The following LIFR variants were observed in gnomAD, a reference collection of about 807,000 sequenced individuals.
The protein encoded by LIFR is leukemia inhibitory factor receptor.
Under a neutral mutation model 122.2 loss-of-function variants are expected in LIFR, and 84 were observed. The observed-to-expected ratio is 0.69, with a 90% CI of 0.58 to 0.82. LIFR has a LOEUF of 0.82. Among genes scored for constraint, LIFR ranks in the 40% least tolerant of loss-of-function variants. LIFR has a pLI of 0.00. For missense variants in LIFR, 1,294 were observed against 1,311.6 expected (o/e 0.99, Z 0.21); for synonymous variants, 422 against 434.7 (o/e 0.97, Z 0.36).
rs3099123 is a variant in LIFR at position 38,501,184 on chromosome 5, A to T, written c.1600+1453T>A. 4.5e-3 allele frequency among the ~76,000 whole-genome samples: 688 copies of T among 152,288 alleles called. 3 individuals carry two copies. The highest frequency in any genetic ancestry group is 7.3e-3 in the Non-Finnish European group (496 of 68,024). ...AACATCTGCTGTGTTAAGCCACTGA[A>T]TTTTAGGGTAATTTGTTGCACAGCA... On this transcript the variant is annotated intron_variant, in intron 11 of 19. Coordinates refer to ENST00000453190, the MANE Select transcript of LIFR (RefSeq NM_001127671.2).
chr5:38,531,577 A>G (rs1050353739), intron 1 of LIFR, among the ~76,000 whole-genome samples: 17 of 138,068 alleles, frequency 1.2e-4, no homozygotes, highest in African/African-American at 4.3e-4. Flanking sequence ...TGAAAAAGGA[A>G]TAACAGGAAA....
intron 1 of LIFR, among the ~76,000 whole-genome samples, chr5:38,542,968 T>C (rs1225698120): frequency 2.0e-5 from 3 of 152,010 alleles, no homozygotes; most frequent in African/African-American, 7.2e-5. Flanking sequence ...ACAATGAAGA[T>C]TTTTTCCCTG....
chr5:38,523,499 C>T lies in LIFR; in HGVS notation c.481G>A (p.Gly161Ser). The change falls in exon 5 of 20, where the codon GGT becomes AGT. Residue 161 changes from glycine to serine, a missense_variant. Physicochemically the swap from Gly to Ser is moderately conservative, Grantham distance 56. Transcript: ENST00000453190. ...STLYLKWNDR[G>S]SVFPHRSNVI... ...TTTGAGCGGTGTGGAAAAACTGAAC[C>T]CCTGTCGTTCCACTTTAGGTATAAT... is the stretch of plus-strand genomic sequence containing the variant. 2 of 1,612,916 alleles carry T rather than the reference C, an allele frequency of 1.2e-6. No homozygotes were observed. The highest frequency in any genetic ancestry group is 1.7e-6 in the Non-Finnish European group (2 of 1,179,124).
chr5:38,528,413 T>C (rs1746807046), intron 3 of LIFR, among the ~76,000 whole-genome samples: 2 of 152,172 alleles, frequency 1.3e-5, no homozygotes, highest in South Asian at 4.1e-4. Flanking sequence ...AAGACCGTCC[T>C]TCCCTGCCTC....
At chr5:38,531,286 A>G (rs2112573925) in intron 1 of LIFR, among the ~76,000 whole-genome samples, 1 of 152,350 alleles carries the variant, frequency 6.6e-6, no homozygotes, top group East Asian at 1.9e-4. Context: ...CCAGCCAACA[A>G]GATCCTTATG....
intron 13 of LIFR, among the ~76,000 whole-genome samples, chr5:38,494,487 C>A (rs1744772686): frequency 6.6e-6 from 1 of 152,038 alleles, no homozygotes; most frequent in Non-Finnish European, 1.5e-5. Flanking sequence ...AGGCTGAGGG[C>A]AGAAGACAGG....
chr5:38,509,648 G>A (rs548607804), intron 7 of LIFR, among the ~76,000 whole-genome samples: 2 of 152,238 alleles, frequency 1.3e-5, no homozygotes, highest in African/African-American at 2.4e-5. Context: ...TTATTCAGGC[G>A]ACCTTTAGAC....
chr5:38,568,085 T>G (rs539620309), intron 1 of LIFR, among the ~76,000 whole-genome samples: 157 of 152,360 alleles, frequency 1.0e-3, no homozygotes, highest in African/African-American at 3.5e-3. Context: ...GTACAAATTA[T>G]GTGCCTGACC....
At chr5:38,512,258 T>C (rs1745840501) in intron 5 of LIFR, among the ~76,000 whole-genome samples, 1 of 152,100 alleles carries the variant, frequency 6.6e-6, no homozygotes, top group African/African-American at 2.4e-5. Context: ...GGACCACAAG[T>C]GTGTTGGATT....
chr5:38,480,401 G>A lies in LIFR; in HGVS notation c.*1194C>T, dbSNP rs1161543442. The A allele has an allele frequency of 4.4e-6, 1 of 224,738 alleles. No homozygotes were observed. Among genetic ancestry groups the A allele is most frequent in the Non-Finnish European group, 8.9e-6 (1 of 112,780 alleles). The allele number at this position is 224,738 out of a possible 1,614,324, so 13.9% of individuals were successfully genotyped here. A position where few individuals can be genotyped will look rare whatever the true frequency, so the allele number is the denominator to read the frequency against. ...ATTGCTGCACCTGCAACACAGGTAT[G>A]CCCATGGATTCAGATCAGTTTATGA... On this transcript the variant is annotated 3_prime_UTR_variant, in exon 20 of 20. Transcript: ENST00000453190.
Position 38,528,728 on chromosome 5 carries a change from G to A in LIFR, c.255C>T (p.Asn85=). 6.4e-7 allele frequency: 1 copy of A among 1,560,824 alleles called. No individual in the cohort carries two copies. ...GAATTAAAGTAAATTAAAATTACCT[G>A]TTTTCAATGCAAACTTCATAATCAG... ...RGTDYEVCIE[N]RSRSCYQLEK... is the part of the protein sequence containing the mutation. The change falls in exon 3 of 20, where the codon AAC becomes AAT. Residue 85 remains asparagine, a splice_region_variant and synonymous_variant. Coordinates refer to ENST00000453190, the MANE Select transcript of LIFR (RefSeq NM_001127671.2).
intron 1 of LIFR, among the ~76,000 whole-genome samples, chr5:38,540,253 T>C (rs1362651186): frequency 6.6e-6 from 1 of 152,192 alleles, no homozygotes; most frequent in Non-Finnish European, 1.5e-5. Flanking sequence ...AAACTTACGG[T>C]TGTTTTGTTT....
Position 38,480,419 on chromosome 5 carries a change from G to A in LIFR, c.*1176C>T, listed in dbSNP as rs1465296083. On this transcript the variant is annotated 3_prime_UTR_variant, in exon 20 of 20. Transcript: ENST00000453190. ...CAGGTATGCCCATGGATTCAGATCA[G>A]TTTATGACAGTTACTAAGAAACAGC... 1 of 221,996 alleles carries A rather than the reference G, an allele frequency of 4.5e-6. No homozygotes were observed. The highest frequency in any genetic ancestry group is 9.0e-6 in the Non-Finnish European group (1 of 111,074). 13.8% of individuals were successfully genotyped at this position (221,996 alleles called of 1,614,324 possible). A position where few individuals can be genotyped will look rare whatever the true frequency, so the allele number is the denominator to read the frequency against.
chr5:38,559,512 A>C (rs1748751948), upstream of LIFR, among the ~76,000 whole-genome samples: 1 of 152,238 alleles, frequency 6.6e-6, no homozygotes, highest in South Asian at 2.1e-4. Flanking sequence ...GTCATAGACC[A>C]GTCTGTGTTG....
chr5:38,569,409 T>C (rs185839566), intron 1 of LIFR, among the ~76,000 whole-genome samples: 41 of 152,084 alleles, frequency 2.7e-4, no homozygotes, highest in African/African-American at 8.4e-4. Context: ...CAGCAGGAGG[T>C]GAGAAGCAGG....
intron 12 of LIFR, among the ~76,000 whole-genome samples, chr5:38,498,587 TGGC>T (rs1194297453): frequency 3.9e-4 from 59 of 152,338 alleles, no homozygotes; most frequent in African/African-American, 1.3e-3. Flanking sequence ...ACTTGGCAAA[TGGC>T]GGCACCATCA....
intron 1 of LIFR, among the ~76,000 whole-genome samples, chr5:38,581,843 A>C (rs1311919994): frequency 6.6e-6 from 1 of 152,194 alleles, no homozygotes; most frequent in Non-Finnish European, 1.5e-5. Context: ...ATTGGAAACA[A>C]TAATGTGATC....
At chr5:38,525,753 A>G (rs933452113) in intron 4 of LIFR, among the ~76,000 whole-genome samples, 5 of 152,174 alleles carry the variant, frequency 3.3e-5, no homozygotes, top group African/African-American at 1.2e-4. Context: ...AGGACAGGGA[A>G]AGCTCAGGGT....
At chr5:38,560,919 G>A (rs1018348493), upstream of LIFR, among the ~76,000 whole-genome samples, 1 of 152,038 alleles carries the variant, frequency 6.6e-6, no homozygotes, top group African/African-American at 2.4e-5. Flanking sequence ...TTTATACCGT[G>A]CCTTCTTCCA....
Sources: gnomAD v4.1 joint callset for allele counts (sites outside exome capture counted in the v4.1 genomes callset) on GRCh38, gnomAD v4.1.1 for gene constraint, MANE v1.5 for transcripts, NCBI Gene and HGNC (gene_info 2026-07-23, HGNC 2026-07-21) for gene names.